Variants in ZDHHC24 observed in about 807,000 individuals in gnomAD.
ZDHHC24 encodes zDHHC palmitoyltransferase 24, also known as probable palmitoyltransferase ZDHHC24.
In ZDHHC24, 17 loss-of-function variants were observed where a neutral mutation model predicts 23.2. That is an observed-to-expected ratio of 0.73 (90% CI 0.50 to 1.10). ZDHHC24 has a LOEUF of 1.10. ZDHHC24 is among the 50% of genes least tolerant of loss of function. ZDHHC24 has a pLI of 0.00. For missense variants in ZDHHC24, 366 were observed against 393.0 expected, an observed-to-expected ratio of 0.93 and a Z score of 0.58; for synonymous variants, 186 against 194.5, an observed-to-expected ratio of 0.96 and a Z score of 0.36.
chr11:66,527,959 G>A (rs922437734), intron 3 of ZDHHC24, among the ~76,000 whole-genome samples: 2 of 152,086 alleles, frequency 1.3e-5, no homozygotes, highest in African/African-American at 2.4e-5. Flanking sequence ...GGCCCGGTTC[G>A]GTGGCTCATG....
downstream of ZDHHC24, chr11:66,531,686 C>A: frequency 6.2e-7 from 1 of 1,614,110 alleles, no homozygotes; most frequent in Non-Finnish European, 8.5e-7. Flanking sequence ...GCTCAACTAC[C>A]CCCTGGAGAC....
chr11:66,534,156 C>T (rs538900210), downstream of ZDHHC24, among the ~76,000 whole-genome samples: 19 of 148,730 alleles, frequency 1.3e-4, no homozygotes, highest in African/African-American at 4.2e-4. Context: ...GCAAAACGAG[C>T]GAAACTGGCT....
chr11:66,523,812 T>C, intron 4 of ZDHHC24: 3 of 1,613,626 alleles, frequency 1.9e-6, no homozygotes, highest in Admixed American at 3.3e-5. Context: ...CAGGCCGTCA[T>C]GGCTGGGCTG....
chr11:66,524,203 C>T, intron 4 of ZDHHC24: 1 of 381,144 alleles, frequency 2.6e-6, no homozygotes. Flanking sequence ...TCGCTTGAGC[C>T]TGGGAGGCGG....
chr11:66,542,156 G>A (rs768404479), intron 2 of ZDHHC24, among the ~76,000 whole-genome samples: 7 of 152,080 alleles, frequency 4.6e-5, no homozygotes, highest in Non-Finnish European at 7.4e-5. Flanking sequence ...TTGGAGTGTG[G>A]GAGAGCAGGG....
chr11:66,543,963 T>C lies in ZDHHC24; in HGVS notation c.300A>G (p.Gln100=). Residue 100 remains glutamine (Q), a synonymous_variant, in exon 2 of 3, where the codon CAA becomes CAG. Transcript: ENST00000310442. The stretch of plus-strand genomic sequence containing the variant: ...GTCCGCTGCGTGGCGGCACCTGGCT[T>C]TGGCATTGGTAGCAGTAACTGCAGG... The part of the protein sequence containing the change: ...GQGWAYCYQC[Q]SQVPPRSGHC... The C allele has an allele frequency of 6.2e-7, 1 of 1,613,456 alleles. No homozygotes were observed.
rs143354579 is a variant in ZDHHC24 at position 66,521,643 on chromosome 11, C to T, written c.*22-177G>A. On this transcript the variant is annotated intron_variant, in intron 4 of 4. Coordinates refer to the ZDHHC24 transcript ENST00000526986. Reference sequence around the variant, plus strand: ...AGGACAGGCTGGGCGCTGTGGCTCACGCCTGTAATCCCAGCACTTTGGGAG... The same window carrying T: ...AGGACAGGCTGGGCGCTGTGGCTCATGCCTGTAATCCCAGCACTTTGGGAG... 8.4e-3 allele frequency: 3,725 copies of T among 443,168 alleles called. 114 individuals carry two copies. Among genetic ancestry groups the T allele is most frequent in the African/African-American group, 0.068 (3,399 of 49,942 alleles). The allele number at this position is 443,168 out of a possible 1,614,324, so 27.5% of individuals were successfully genotyped here. A position where few individuals can be genotyped will look rare whatever the true frequency, so the allele number is the denominator to read the frequency against.
chr11:66,528,338 ATGCTGTAAAGCTTGAAGT>A (rs1856610525), intron 3 of ZDHHC24, among the ~76,000 whole-genome samples: 1 of 152,254 alleles, frequency 6.6e-6, no homozygotes, highest in Non-Finnish European at 1.5e-5. Flanking sequence ...GGAAGACCTA[ATGCTGTAAAGCTTGAAGT>A]TGCAGTTAAA....
At chr11:66,534,732 GT>G (rs1477543667), downstream of ZDHHC24, among the ~76,000 whole-genome samples, 1 of 152,022 alleles carries the variant, frequency 6.6e-6, no homozygotes, top group Admixed American at 6.6e-5. Context: ...GTCTCACTGT[GT>G]CGCCCAGGCT....
At chr11:66,543,415 C>G (rs773145122) in intron 2 of ZDHHC24, among the ~76,000 whole-genome samples, 3 of 152,160 alleles carry the variant, frequency 2.0e-5, no homozygotes, top group African/African-American at 7.2e-5. Context: ...AGAAATGCTC[C>G]TAGAATGCAC....
In ZDHHC24 at chr11:66,536,882, AAAAAG is replaced by A. The variant is rs1856985692; in HGVS notation, c.*2642_*2646del. On this transcript the variant is annotated 3_prime_UTR_variant, in exon 3 of 3. Coordinates refer to ENST00000310442, the MANE Select transcript of ZDHHC24 (RefSeq NM_207340.3). Reference sequence around the variant, plus strand: ...AGAGTGAAACTCTGTCTCAAAAAATAAAAAGAGAAAGAAAGAAAATAAGAAATTGT... The same window carrying A: ...AGAGTGAAACTCTGTCTCAAAAAATAAGAAAGAAAGAAAATAAGAAATTGT... The A allele has an allele frequency of 6.6e-6, 1 of 152,144 alleles. No homozygotes were observed. Among genetic ancestry groups the A allele is most frequent in the Admixed American group, 6.6e-5 (1 of 15,264 alleles). The allele number at this position is 152,144 out of a possible 1,614,324, so 9.4% of individuals were successfully genotyped here. A position where few individuals can be genotyped will look rare whatever the true frequency, so the allele number is the denominator to read the frequency against.
intron 4 of ZDHHC24, chr11:66,526,203 T>A: frequency 1.9e-6 from 3 of 1,612,848 alleles, no homozygotes; most frequent in Non-Finnish European, 2.5e-6. Flanking sequence ...GTGAGTGGAG[T>A]CAGACCTGGC....
At chr11:66,544,574 G>C (rs1857254835) in intron 1 of ZDHHC24, among the ~76,000 whole-genome samples, 2 of 152,128 alleles carry the variant, frequency 1.3e-5, no homozygotes, top group Non-Finnish European at 2.9e-5. Context: ...TGCACCACTT[G>C]TTACCTCTGC....
intron 3 of ZDHHC24, chr11:66,529,042 A>T: frequency 1.0e-6 from 1 of 973,796 alleles, no homozygotes; most frequent in Non-Finnish European, 1.2e-6. Flanking sequence ...AATTCTGGAT[A>T]GATTAAAAAT....
At chr11:66,542,058 G>A (rs998104079) in intron 2 of ZDHHC24, among the ~76,000 whole-genome samples, 2 of 152,012 alleles carry the variant, frequency 1.3e-5, no homozygotes. Flanking sequence ...AATACAAGAA[G>A]CTGGGGGCAG....
At chr11:66,526,764 G>T (rs760261609) in intron 4 of ZDHHC24, 8 of 1,614,232 alleles carry the variant, frequency 5.0e-6, no homozygotes, top group Non-Finnish European at 5.1e-6. Context: ...GAAAGACCCG[G>T]CTTTACGTGG....
intron 3 of ZDHHC24, chr11:66,527,086 T>A (rs1034322231): frequency 2.7e-6 from 4 of 1,464,024 alleles, no homozygotes; most frequent in Non-Finnish European, 2.8e-6. Context: ...ATGAGGAAAG[T>A]AGAATTTTGA....
chr11:66,523,060 A>G (rs1856311027), intron 4 of ZDHHC24: 1 of 433,754 alleles, frequency 2.3e-6, no homozygotes, highest in South Asian at 1.7e-5. Flanking sequence ...TAAAAACTGC[A>G]TTGACACAGG....
chr11:66,531,068 C>A (rs936876890), downstream of ZDHHC24: 1 of 1,612,960 alleles, frequency 6.2e-7, no homozygotes, highest in Non-Finnish European at 8.5e-7. Context: ...GTGGGAAAGG[C>A]CAGGGCAGGG....
Sources: allele counts gnomAD v4.1 joint callset (sites outside exome capture counted in the v4.1 genomes callset), GRCh38; gene constraint gnomAD v4.1.1; transcripts MANE v1.5; gene names NCBI Gene and HGNC (gene_info 2026-07-23, HGNC 2026-07-21).